Variants in CACNG5 observed in about 807,000 individuals in gnomAD.
The protein encoded by CACNG5 is voltage-dependent calcium channel gamma-5 subunit.
A neutral mutation model predicts 24.8 loss-of-function variants in CACNG5; 18 were observed. That is an observed-to-expected ratio of 0.73 (90% CI 0.50 to 1.08). The LOEUF is 1.08. Among genes scored for constraint, CACNG5 ranks in the 50% least tolerant of loss-of-function variants. CACNG5 has a pLI of 0.00. For synonymous variants in CACNG5, 157 were observed against 149.1 expected (o/e 1.05, Z -0.39); for missense variants, 349 against 367.9 (o/e 0.95, Z 0.42).
At chr17:66,877,742 C>T (rs1977104084) in intron 2 of CACNG5, among the ~76,000 whole-genome samples, 1 of 152,192 alleles carries the variant, frequency 6.6e-6, no homozygotes, top group Non-Finnish European at 1.5e-5. Context: ...AGTCTTTTCA[C>T]CTCCCAGGTC....
At chr17:66,884,796 C>T in intron 5 of CACNG5, 135 bp downstream of exon 5, 2 of 1,613,408 alleles carry the variant, frequency 1.2e-6, no homozygotes, top group South Asian at 2.2e-5. Context: ...ACTTCCCTTC[C>T]TCATCCCAGA....
At chr17:66,856,820 G>A (rs1244813083) in intron 1 of CACNG5, among the ~76,000 whole-genome samples, 3 of 151,870 alleles carry the variant, frequency 2.0e-5, no homozygotes, top group Non-Finnish European at 4.4e-5. Context: ...TGGGATTACA[G>A]GTGTGAGCCA....
chr17:66,877,750 G>A (rs1977104165), intron 2 of CACNG5, among the ~76,000 whole-genome samples: 1 of 152,168 alleles, frequency 6.6e-6, no homozygotes, highest in Non-Finnish European at 1.5e-5. Context: ...CACCTCCCAG[G>A]TCTTCCTTCC....
chr17:66,836,144 C>G (rs369338852), intron 1 of CACNG5, among the ~76,000 whole-genome samples: 1 of 152,172 alleles, frequency 6.6e-6, no homozygotes, highest in Non-Finnish European at 1.5e-5. Context: ...CCAGGCACGC[C>G]GGTGGTTAAG....
Position 66,862,892 on chromosome 17 carries a change from C to CTCTCTCTG in CACNG5, c.-103-14337_-103-14336insCTCTCTGT, listed in dbSNP as rs567913804. ...ACAACCTTGTCTGCCAGCATATTCT[C>CTCTCTCTG]TGTGTGTGTGTGTGTGTGTGTGTGT... On this transcript the variant is annotated intron_variant, in intron 1 of 5. Coordinates refer to ENST00000533854, the MANE Select transcript of CACNG5 (RefSeq NM_145811.3). Among the ~76,000 whole-genome samples, 24 of 142,260 alleles carry CTCTCTCTG rather than the reference C, an allele frequency of 1.7e-4. No homozygotes were observed. In the East Asian group the frequency reaches 3.2e-3, roughly 19 times the overall value. 93.3% of individuals were successfully genotyped at this position (142,260 alleles called of 152,430 possible).
intron 1 of CACNG5, among the ~76,000 whole-genome samples, chr17:66,864,427 G>A (rs928507167): frequency 6.6e-6 from 1 of 152,134 alleles, no homozygotes; most frequent in Non-Finnish European, 1.5e-5. Flanking sequence ...TACCTCAACT[G>A]CAGAGGTTGT....
In CACNG5 at chr17:66,888,182, C is replaced by CTTT. The variant is rs1202304621; in HGVS notation, c.*2960_*2962dup. Among the ~76,000 whole-genome samples the CTTT allele has an allele frequency of 9.5e-3, 1,121 of 118,610 alleles. 39 individuals are homozygous for CTTT. Among genetic ancestry groups the CTTT allele is most frequent in the African/African-American group, 0.036 (1,054 of 29,680 alleles). The allele number at this position is 118,610 out of a possible 152,430, so 77.8% of individuals were successfully genotyped here. A position where few individuals can be genotyped will look rare whatever the true frequency, so the allele number is the denominator to read the frequency against. On this transcript the variant is annotated 3_prime_UTR_variant, in exon 6 of 6. Coordinates refer to ENST00000533854, the MANE Select transcript of CACNG5 (RefSeq NM_145811.3). ...CCCACACCTGGAACTTACTACCCTA[C>CTTT]TTTTTTTTTTTTTTTTTTTTGAGAT... is the stretch of plus-strand genomic sequence containing the variant.
At position 66,877,519 on chromosome 17, in the gene CACNG5, T is replaced by G; in HGVS notation, c.187T>G (p.Phe63Val). Reference sequence around the variant, plus strand: ...GCACTCAGGCCTCTGGCGGGTCTGCTTCCTTGCAGGTAAGGGTGCCCAGGG... The same window carrying G: ...GCACTCAGGCCTCTGGCGGGTCTGCGTCCTTGCAGGTAAGGGTGCCCAGGG... ...SLHSGLWRVC[F>V]LAGEERGRCF... The change falls in exon 2 of 6, where the codon TTC (phenylalanine) becomes GTC (valine). Residue 63 changes from phenylalanine (F) to valine (V), a missense_variant. Coordinates refer to ENST00000533854, the MANE Select transcript of CACNG5 (RefSeq NM_145811.3). 6.2e-7 allele frequency: 1 copy of G among 1,613,430 alleles called. No individual in the cohort carries two copies. Among genetic ancestry groups the G allele is most frequent in the Non-Finnish European group, 8.5e-7 (1 of 1,179,814 alleles).
At chr17:66,847,262 G>C (rs1976649354) in intron 1 of CACNG5, among the ~76,000 whole-genome samples, 1 of 152,226 alleles carries the variant, frequency 6.6e-6, no homozygotes, top group Non-Finnish European at 1.5e-5. Context: ...CTCATGGGCA[G>C]TAAGTGTTGG....
At position 66,890,168 on chromosome 17, in the gene CACNG5, T is replaced by G. The variant is rs1977322411; in HGVS notation, c.*4928T>G. The stretch of plus-strand genomic sequence containing the variant: ...GTGCACAGGTGGATGGATGAGTGGA[T>G]TCTGTCTAATGCACCTGTGCCTGAG... On this transcript the variant is annotated 3_prime_UTR_variant, in exon 6 of 6. Transcript: ENST00000533854. 6.6e-6 allele frequency among the ~76,000 whole-genome samples: 1 copy of G among 152,206 alleles called. No homozygotes were observed. Among genetic ancestry groups the G allele is most frequent in the Admixed American group, 6.5e-5 (1 of 15,278 alleles).
intron 1 of CACNG5, among the ~76,000 whole-genome samples, chr17:66,857,536 T>C (rs565605793): frequency 1.3e-5 from 2 of 152,366 alleles, no homozygotes; most frequent in South Asian, 4.1e-4. Flanking sequence ...TCAATGTTTT[T>C]TAAATCACTG....
At chr17:66,838,960 CTTTTTTTTT>C (rs71160595) in intron 1 of CACNG5, among the ~76,000 whole-genome samples, 2 of 88,094 alleles carry the variant, frequency 2.3e-5, no homozygotes, top group African/African-American at 4.9e-5. Context: ...CTCACCCATT[CTTTTTTTTT>C]TTTTTTTTTT....
At chr17:66,868,877 GGAGATGAGAGA>G (rs1192126861) in intron 1 of CACNG5, among the ~76,000 whole-genome samples, 1 of 152,124 alleles carries the variant, frequency 6.6e-6, no homozygotes, top group Non-Finnish European at 1.5e-5. Context: ...TTGTTGATAT[GGAGATGAGAGA>G]GGAGACAGGA....
intron 1 of CACNG5, among the ~76,000 whole-genome samples, chr17:66,873,650 T>C (rs970796964): frequency 6.6e-6 from 1 of 152,184 alleles, no homozygotes; most frequent in African/African-American, 2.4e-5. Context: ...CAATACCTTA[T>C]ACCAGGATCA....
intron 1 of CACNG5, among the ~76,000 whole-genome samples, chr17:66,836,061 T>C (rs1362068141): frequency 1.3e-5 from 2 of 152,190 alleles, no homozygotes; most frequent in Admixed American, 6.5e-5. Flanking sequence ...TCCGGGAGCC[T>C]GGCTGGGGAG....
intron 1 of CACNG5, among the ~76,000 whole-genome samples, chr17:66,875,223 A>G (rs898745372): frequency 1.3e-5 from 2 of 152,100 alleles, no homozygotes; most frequent in Non-Finnish European, 2.9e-5. Flanking sequence ...CTAGATACTC[A>G]TGCTAGATAC....
chr17:66,842,318 T>C (rs1437486862), intron 1 of CACNG5, among the ~76,000 whole-genome samples: 1 of 152,200 alleles, frequency 6.6e-6, no homozygotes, highest in African/African-American at 2.4e-5. Flanking sequence ...TGGCTCTTGC[T>C]CAGTCTTCTC....
At chr17:66,865,904 G>C (rs1976923033) in intron 1 of CACNG5, among the ~76,000 whole-genome samples, 1 of 150,750 alleles carries the variant, frequency 6.6e-6, no homozygotes, top group East Asian at 2.0e-4. Context: ...GCCTCCCAAA[G>C]TGCTGGGATT....
intron 1 of CACNG5, among the ~76,000 whole-genome samples, chr17:66,836,859 C>T (rs1018152672): frequency 5.9e-5 from 9 of 152,260 alleles, no homozygotes; most frequent in African/African-American, 1.9e-4. Flanking sequence ...GCCCCACAAG[C>T]CAACAGCACA....
Sources: gnomAD v4.1 joint callset for allele counts (sites outside exome capture counted in the v4.1 genomes callset) on GRCh38, gnomAD v4.1.1 for gene constraint, MANE v1.5 for transcripts, NCBI Gene and HGNC (gene_info 2026-07-23, HGNC 2026-07-21) for gene names.